The following SCHIP1 variants were observed in gnomAD, a reference collection of about 807,000 sequenced individuals.
SCHIP1 encodes the protein schwannomin interacting protein 1, also known as schwannomin-interacting protein 1.
Under a neutral mutation model 29.7 loss-of-function variants are expected in SCHIP1, and 8 were observed. The ratio of observed to expected loss-of-function variants is 0.27; its 90% CI spans 0.16 to 0.49. SCHIP1 has a LOEUF of 0.49. SCHIP1 is among the 20% of genes least tolerant of loss of function. SCHIP1 has a pLI of 0.99. For synonymous variants in SCHIP1, 76 were observed against 94.9 expected, an observed-to-expected ratio of 0.80 and a Z score of 1.16; for missense variants, 193 against 294.6, an observed-to-expected ratio of 0.66 and a Z score of 2.52.
the SCHIP1 span, among the ~76,000 whole-genome samples, chr3:159,558,073 G>T: frequency 6.6e-6 from 1 of 152,170 alleles, no homozygotes; most frequent in Non-Finnish European, 1.5e-5. Context: ...TGTAAGCTCT[G>T]AATCTTCATC....
the SCHIP1 span, among the ~76,000 whole-genome samples, chr3:159,518,351 TTA>T: frequency 1.3e-5 from 2 of 152,126 alleles, no homozygotes; most frequent in Non-Finnish European, 2.9e-5. Flanking sequence ...ATGGTTATTT[TTA>T]TGTTTGATTA....
chr3:159,757,259 G>T, the SCHIP1 span, among the ~76,000 whole-genome samples: 16 of 152,228 alleles, frequency 1.1e-4, no homozygotes, highest in Non-Finnish European at 2.2e-4. Context: ...TCACAATCAT[G>T]GTGGAAGGTG....
the SCHIP1 span, among the ~76,000 whole-genome samples, chr3:159,541,690 A>G: frequency 6.6e-6 from 1 of 152,118 alleles, no homozygotes; most frequent in Non-Finnish European, 1.5e-5. Context: ...AATTGAGACA[A>G]GTCTGCATTC....
chr3:159,682,294 A>G, the SCHIP1 span, among the ~76,000 whole-genome samples: 3 of 152,176 alleles, frequency 2.0e-5, no homozygotes, highest in Non-Finnish European at 1.5e-5. Flanking sequence ...TCAAGTATCT[A>G]AAGGAGACAA....
At chr3:159,692,640 G>A in the SCHIP1 span, among the ~76,000 whole-genome samples, 1 of 152,084 alleles carries the variant, frequency 6.6e-6, no homozygotes, top group Admixed American at 6.5e-5. Flanking sequence ...TTTTATCAAG[G>A]TTCTTAGCTT....
the SCHIP1 span, among the ~76,000 whole-genome samples, chr3:159,443,303 C>T: frequency 6.6e-6 from 1 of 152,040 alleles, no homozygotes; most frequent in Non-Finnish European, 1.5e-5. Flanking sequence ...AAATCTTTGG[C>T]GTTATAAGCA....
chr3:159,444,460 C>T, the SCHIP1 span, among the ~76,000 whole-genome samples: 1 of 151,396 alleles, frequency 6.6e-6, no homozygotes. Context: ...GCAGCTGATA[C>T]AAAATGAATG....
At chr3:159,353,369 A>G in the SCHIP1 span, among the ~76,000 whole-genome samples, 1 of 152,304 alleles carries the variant, frequency 6.6e-6, no homozygotes, top group Middle Eastern at 3.4e-3. Flanking sequence ...CTCTAGTACA[A>G]TAGAAAATTA....
the SCHIP1 span, among the ~76,000 whole-genome samples, chr3:159,632,627 C>G: frequency 1.3e-5 from 2 of 152,136 alleles, no homozygotes; most frequent in Non-Finnish European, 2.9e-5. Flanking sequence ...AAACTTGGAA[C>G]AAATAGTTTT....
chr3:159,767,994 T>C, the SCHIP1 span, among the ~76,000 whole-genome samples: 1 of 152,048 alleles, frequency 6.6e-6, no homozygotes, highest in Admixed American at 6.5e-5. Context: ...TGAATGAATG[T>C]TTATGACAAC....
chr3:159,493,915 G>A, the SCHIP1 span, among the ~76,000 whole-genome samples: 8 of 151,588 alleles, frequency 5.3e-5, no homozygotes, highest in South Asian at 2.1e-4. Context: ...TCAGACCACA[G>A]TGCAATCAAA....
chr3:159,664,062 G>C, the SCHIP1 span, among the ~76,000 whole-genome samples: 1 of 152,090 alleles, frequency 6.6e-6, no homozygotes, highest in Admixed American at 6.5e-5. Flanking sequence ...CTTTTTATTT[G>C]GTCCTTTTGA....
At chr3:159,487,618 G>C in the SCHIP1 span, among the ~76,000 whole-genome samples, 2 of 152,110 alleles carry the variant, frequency 1.3e-5, no homozygotes, top group Non-Finnish European at 2.9e-5. Context: ...TCTGAGAAGG[G>C]AAGATAAATC....
At chr3:159,414,092 G>T in the SCHIP1 span, among the ~76,000 whole-genome samples, 2 of 152,284 alleles carry the variant, frequency 1.3e-5, no homozygotes, top group East Asian at 3.9e-4. Flanking sequence ...CAATGGCAGG[G>T]CACTATAGTT....
At chr3:159,297,281 A>G in the SCHIP1 span, among the ~76,000 whole-genome samples, 1 of 152,050 alleles carries the variant, frequency 6.6e-6, no homozygotes, top group Non-Finnish European at 1.5e-5. Flanking sequence ...TACCTCTTTG[A>G]CACACTGATT....
chr3:159,836,337 T>G (rs1743657326), upstream of SCHIP1, among the ~76,000 whole-genome samples: 1 of 152,144 alleles, frequency 6.6e-6, no homozygotes, highest in Non-Finnish European at 1.5e-5. Context: ...GCAAGGTAGC[T>G]CTCTTGGGCC....
chr3:159,839,049 T>C (rs915155321), upstream of SCHIP1, among the ~76,000 whole-genome samples: 2 of 152,200 alleles, frequency 1.3e-5, no homozygotes, highest in African/African-American at 4.8e-5. Context: ...CCCAGTTTTT[T>C]CTTTTTGTGT....
chr3:159,363,400 G>T, the SCHIP1 span, among the ~76,000 whole-genome samples: 1 of 152,164 alleles, frequency 6.6e-6, no homozygotes, highest in Non-Finnish European at 1.5e-5. Context: ...AATGAGTACA[G>T]CAGCTGCTAC....
the SCHIP1 span, among the ~76,000 whole-genome samples, chr3:159,710,549 C>T: frequency 6.6e-6 from 1 of 152,070 alleles, no homozygotes; most frequent in African/African-American, 2.4e-5. Context: ...AATGTGCTTA[C>T]CCCAAAGAAA....
Sources: allele counts gnomAD v4.1 joint callset (sites outside exome capture counted in the v4.1 genomes callset), GRCh38; gene constraint gnomAD v4.1.1; transcripts MANE v1.5; gene names NCBI Gene and HGNC (gene_info 2026-07-23, HGNC 2026-07-21).